DPP6: variants seen among roughly 807,000 people sequenced by gnomAD.
DPP6 encodes the protein A-type potassium channel modulatory protein DPP6.
A neutral mutation model predicts 122.6 loss-of-function variants in DPP6; 69 were observed. That is an observed-to-expected ratio of 0.56 (90% CI 0.46 to 0.69). The LOEUF (loss-of-function observed/expected upper bound fraction) is 0.69. DPP6 is among the 30% of genes least tolerant of loss of function. The pLI, the probability that DPP6 is intolerant of heterozygous loss-of-function variation, is 0.00. For missense variants in DPP6, 928 were observed against 1,116.9 expected, an observed-to-expected ratio of 0.83 and a Z score of 2.41; for synonymous variants, 418 against 433.1, an observed-to-expected ratio of 0.97 and a Z score of 0.43.
intron 1 of DPP6, among the ~76,000 whole-genome samples, chr7:153,962,191 GCAC>G (rs1463513847): frequency 1.3e-5 from 2 of 152,002 alleles, no homozygotes; most frequent in African/African-American, 4.8e-5. Context: ...CAAAAGTAAA[GCAC>G]TGGAAGGGAA....
intron 5 of DPP6, among the ~76,000 whole-genome samples, chr7:154,631,064 C>G (rs1323327160): frequency 6.6e-6 from 1 of 152,076 alleles, no homozygotes; most frequent in East Asian, 1.9e-4. Flanking sequence ...AAGGTCCAGC[C>G]CAAGCTAAAA....
At chr7:154,204,060 C>T (rs901355356) in intron 1 of DPP6, among the ~76,000 whole-genome samples, 2 of 152,218 alleles carry the variant, frequency 1.3e-5, no homozygotes, top group South Asian at 2.1e-4. Flanking sequence ...AATCCTGTTT[C>T]TGCTTTACAG....
Position 154,129,671 on chromosome 7 carries a change from A to G in DPP6, c.243+76608A>G, listed in dbSNP as rs369731417. ...TCCCAGCACTTTGGGAGGCTGAGGC[A>G]GGTGGATCACGAGGTCAGGAGATTG... On this transcript the variant is annotated intron_variant, in intron 1 of 25. Transcript: ENST00000377770. 5.0e-3 allele frequency among the ~76,000 whole-genome samples: 760 copies of G among 152,168 alleles called. 6 individuals carry two copies. Among genetic ancestry groups the G allele is most frequent in the African/African-American group, 0.017 (724 of 41,518 alleles).
rs57452803 is a variant in DPP6 at position 154,821,677 on chromosome 7, TAC to T, written c.1666+14573_1666+14574del. On this transcript the variant is annotated intron_variant, in intron 16 of 25. Transcript: ENST00000377770. The surrounding 1 kb of genome is among the most constrained non-coding windows in gnomAD (Gnocchi z 4.2). The stretch of plus-strand genomic sequence containing the variant: ...ATATATATATATACACATATATATA[TAC>T]ACACACATATATATATACACACACA... Among the ~76,000 whole-genome samples the T allele has an allele frequency of 5.2e-5, 7 of 133,818 alleles. No homozygotes were observed. The highest frequency in any genetic ancestry group is 2.4e-4 in the South Asian group (1 of 4,154). The allele number at this position is 133,818 out of a possible 152,430, so 87.8% of individuals were successfully genotyped here.
rs540650075 is a variant in DPP6, at chr7:154,401,095, G to C, written c.244-45119G>C. ...ACCTGTAATCCCAGCTACTCGGGAG[G>C]CTGAGGCAGGAGAATCACTCGAACC... On this transcript the variant is annotated intron_variant, in intron 1 of 25. Coordinates refer to ENST00000377770, the MANE Select transcript of DPP6 (RefSeq NM_130797.4). Among the ~76,000 whole-genome samples, 18 of 152,190 alleles carry C rather than the reference G, an allele frequency of 1.2e-4. No homozygotes were observed. In the South Asian group the frequency reaches 3.7e-3, roughly 32 times the overall value.
At chr7:154,632,684 G>C (rs369553534) in intron 5 of DPP6, among the ~76,000 whole-genome samples, 1 of 152,168 alleles carries the variant, frequency 6.6e-6, no homozygotes, top group Non-Finnish European at 1.5e-5. Flanking sequence ...TTAGGTTACG[G>C]TTTAAAATCT....
At chr7:154,494,635 A>G (rs1316046823) in intron 3 of DPP6, among the ~76,000 whole-genome samples, 2 of 152,000 alleles carry the variant, frequency 1.3e-5, no homozygotes, top group East Asian at 3.9e-4. Flanking sequence ...TTCTCTTCTT[A>G]TTGCAAGCAC....
Position 154,133,691 on chromosome 7 carries a change from A to G in DPP6, c.243+80628A>G, listed in dbSNP as rs146955858. 2.3e-3 allele frequency among the ~76,000 whole-genome samples: 343 copies of G among 152,136 alleles called. 1 individual carries two copies. Among genetic ancestry groups the G allele is most frequent in the African/African-American group, 7.3e-3 (304 of 41,482 alleles). On this transcript the variant is annotated intron_variant, in intron 1 of 25. Coordinates refer to ENST00000377770, the MANE Select transcript of DPP6 (RefSeq NM_130797.4). ...AAATGGCAGGGTGGGGCTGTTCTAAACCTGGGGCAGCAGTTCCCCACTGTA... is the reference window on the plus strand; with the variant it reads ...AAATGGCAGGGTGGGGCTGTTCTAAGCCTGGGGCAGCAGTTCCCCACTGTA...
At chr7:153,957,572 A>G (rs1425818284) in intron 1 of DPP6, among the ~76,000 whole-genome samples, 1 of 152,196 alleles carries the variant, frequency 6.6e-6, no homozygotes, top group East Asian at 1.9e-4. Flanking sequence ...TGAGGGCGAG[A>G]AGGAGGCCTG....
At chr7:154,386,719 CA>C (rs1300535132) in intron 1 of DPP6, among the ~76,000 whole-genome samples, 34 of 152,264 alleles carry the variant, frequency 2.2e-4, no homozygotes, top group African/African-American at 7.7e-4. Flanking sequence ...ACAGGAGATG[CA>C]AAAACCCCAT....
At chr7:154,635,512 T>TA (rs1379099180) in intron 5 of DPP6, among the ~76,000 whole-genome samples, 3 of 152,248 alleles carry the variant, frequency 2.0e-5, no homozygotes, top group African/African-American at 7.2e-5. Flanking sequence ...AATCTGATTT[T>TA]AAAATTATCT....
At chr7:154,561,885 A>G (rs1052391724) in intron 4 of DPP6, among the ~76,000 whole-genome samples, 10 of 152,212 alleles carry the variant, frequency 6.6e-5, no homozygotes, top group Admixed American at 6.5e-5. Context: ...ATTACAGTTC[A>G]CCAGTTAAGA....
At chr7:153,953,475 C>T (rs1317870760) in intron 1 of DPP6, among the ~76,000 whole-genome samples, 1 of 152,124 alleles carries the variant, frequency 6.6e-6, no homozygotes, top group East Asian at 1.9e-4. Context: ...CTGTGGAATT[C>T]ATGCACAGAT....
intron 1 of DPP6, among the ~76,000 whole-genome samples, chr7:153,889,890 C>T (rs1185463434): frequency 6.6e-6 from 1 of 152,248 alleles, no homozygotes; most frequent in African/African-American, 2.4e-5. Flanking sequence ...TATGGCTCCA[C>T]AGCCTGCTGT....
intron 1 of DPP6, among the ~76,000 whole-genome samples, chr7:154,259,930 C>CA (rs1802888338): frequency 6.6e-6 from 1 of 152,114 alleles, no homozygotes; most frequent in Admixed American, 6.5e-5. Context: ...CCAGTGAGCT[C>CA]AAAAAGCAGC....
chr7:154,516,427 G>A (rs1826515239), intron 3 of DPP6, among the ~76,000 whole-genome samples: 1 of 152,192 alleles, frequency 6.6e-6, no homozygotes, highest in Non-Finnish European at 1.5e-5. Flanking sequence ...GAGCCCCAGG[G>A]GAGGCATCTG....
chr7:153,859,860 C>G, the DPP6 span, among the ~76,000 whole-genome samples: 61 of 152,202 alleles, frequency 4.0e-4, 1 homozygote, highest in South Asian at 8.7e-3. Flanking sequence ...CATCAGATCT[C>G]GTGAGAACTC....
At chr7:154,759,054 C>T (rs1438134156) in intron 8 of DPP6, among the ~76,000 whole-genome samples, 1 of 152,178 alleles carries the variant, frequency 6.6e-6, no homozygotes, top group African/African-American at 2.4e-5. Context: ...GGGGGATCCT[C>T]TTTAGAAAAA....
At chr7:154,224,419 TGA>T (rs1800480618) in intron 1 of DPP6, among the ~76,000 whole-genome samples, 5 of 149,136 alleles carry the variant, frequency 3.4e-5, no homozygotes, top group African/African-American at 1.3e-4. Context: ...GTATCAAGGA[TGA>T]CTGCTAAGTT....
Sources: gnomAD v4.1 joint callset for allele counts (sites outside exome capture counted in the v4.1 genomes callset) on GRCh38, gnomAD v4.1.1 for gene constraint, Gnocchi (gnomAD v3.1) non-coding constraint, MANE v1.5 for transcripts, NCBI Gene and HGNC (gene_info 2026-07-23, HGNC 2026-07-21) for gene names.